The following FMNL3 variants were observed in gnomAD, a reference collection of about 807,000 sequenced individuals.
FMNL3 encodes the protein formin like 3, also known as formin-like protein 3.
A neutral mutation model predicts 119.6 loss-of-function variants in FMNL3; 57 were observed. The observed-to-expected ratio is 0.48, with a 90% confidence interval of 0.39 to 0.59. The LOEUF (loss-of-function observed/expected upper bound fraction) is 0.59. Ranked by LOEUF, FMNL3 falls within the 20% of genes least tolerant of loss-of-function variation. The probability of loss-of-function intolerance (pLI) is 0.00; values close to 1 mark genes in which losing one functional copy is unlikely to be tolerated. For synonymous variants in FMNL3, 491 were observed against 507.3 expected, an observed-to-expected ratio of 0.97 and a Z score of 0.43; for missense variants, 1,053 against 1,323.5, an observed-to-expected ratio of 0.80 and a Z score of 3.17.
In FMNL3 at chr12:49,642,345, T is replaced by A. The variant is rs1414743881; in HGVS notation, c.*3470A>T. 9 of 1,613,946 alleles carry A rather than the reference T, an allele frequency of 5.6e-6. No individual in the cohort carries two copies. The highest frequency in any genetic ancestry group is 1.3e-5 in the African/African-American group (1 of 75,048). ...GCATGCTGAGGCAGGCTGTGCCTGCTCTGGAGCTAGGCACTGCCTGGGAAG... is the reference window on the plus strand; with the variant it reads ...GCATGCTGAGGCAGGCTGTGCCTGCACTGGAGCTAGGCACTGCCTGGGAAG... On this transcript the variant is annotated 3_prime_UTR_variant, in exon 26 of 26. Coordinates refer to ENST00000335154, the MANE Select transcript of FMNL3 (RefSeq NM_175736.5). This position sits in a 1 kb window ranked among gnomAD's most constrained non-coding sequence, Gnocchi z 5.8.
At chr12:49,672,743 G>A (rs927056444) in intron 1 of FMNL3, among the ~76,000 whole-genome samples, 3 of 152,190 alleles carry the variant, frequency 2.0e-5, no homozygotes, top group African/African-American at 4.8e-5. Flanking sequence ...CAGGGGAAGG[G>A]AAATGCCGGT....
intron 10 of FMNL3, 78 bp downstream of exon 10, chr12:49,654,827 ACGCTG>A: frequency 7.9e-7 from 1 of 1,272,220 alleles, no homozygotes; most frequent in Admixed American, 2.0e-5. Flanking sequence ...ATATCAAGAT[ACGCTG>A]TTGGCCTCAC....
intron 7 of FMNL3, 81 bp from the exon 8 acceptor site, chr12:49,656,980 C>G (rs750285427): frequency 4.7e-5 from 72 of 1,532,434 alleles, no homozygotes; most frequent in Non-Finnish European, 6.3e-5. Flanking sequence ...CGTAGGCCCA[C>G]CAGCAAACCT....
At position 49,644,484 on chromosome 12, in the gene FMNL3, A is replaced by G. The variant is rs1180618239; in HGVS notation, c.*1331T>C. On this transcript the variant is annotated 3_prime_UTR_variant, in exon 26 of 26. Transcript: ENST00000335154. ...TAAAAGTGTGAGAGAAGGGGTCTCC[A>G]GGGAAGAGTCACAGGCTGTTGGACG... 2.4e-6 allele frequency: 1 copy of G among 421,958 alleles called. No homozygotes were observed. Among genetic ancestry groups the G allele is most frequent in the Non-Finnish European group, 4.5e-6 (1 of 223,292 alleles). 26.1% of individuals were successfully genotyped at this position (421,958 alleles called of 1,614,324 possible). A position where few individuals can be genotyped will look rare whatever the true frequency, so the allele number is the denominator to read the frequency against.
At chr12:49,668,420 C>A in intron 2 of FMNL3, 51 bp downstream of exon 2, 1 of 1,585,022 alleles carries the variant, frequency 6.3e-7, no homozygotes, top group Non-Finnish European at 8.7e-7. Context: ...ACAGCCTTAG[C>A]CAGCCCAAGA....
chr12:49,685,873 C>T (rs1944443632), intron 1 of FMNL3, among the ~76,000 whole-genome samples: 1 of 152,036 alleles, frequency 6.6e-6, no homozygotes, highest in East Asian at 2.0e-4. Flanking sequence ...TTAAGACCAG[C>T]GTGGCCAACA....
At chr12:49,675,457 A>G (rs1463967352) in intron 1 of FMNL3, among the ~76,000 whole-genome samples, 1 of 152,164 alleles carries the variant, frequency 6.6e-6, no homozygotes, top group African/African-American at 2.4e-5. Context: ...CCCTCTCTTC[A>G]TGAGGTTCTG....
At position 49,645,853 on chromosome 12, in the gene FMNL3, G is replaced by A. The variant is rs1381352547; in HGVS notation, c.3046C>T (p.Pro1016Ser). The change falls in exon 26 of 26, where the codon CCG (proline) becomes TCG (serine). Residue 1016 changes from proline to serine, a missense_variant. Around this residue, in one of 4 missense-constraint regions of FMNL3, gnomAD observed 324 missense variants for 380.9 expected, o/e 0.85. Coordinates refer to ENST00000335154, the MANE Select transcript of FMNL3 (RefSeq NM_175736.5). ...VVRHQARSAA[P>S]PSGPPRAPGP... ...GGAGCCCGAGGGGGACCACTGGGCG[G>A]TGCAGCACTCCTGGCTTGGTGGCGA... 1.2e-6 allele frequency: 2 copies of A among 1,610,324 alleles called. No individual in the cohort carries two copies. The highest frequency in any genetic ancestry group is 1.7e-6 in the Non-Finnish European group (2 of 1,178,632).
chr12:49,646,316 A>G (rs534146645), intron 25 of FMNL3, among the ~76,000 whole-genome samples: 3 of 151,922 alleles, frequency 2.0e-5, no homozygotes, highest in Non-Finnish European at 4.4e-5. Flanking sequence ...TGGACCCTCA[A>G]CCTCAGCCTC....
At position 49,649,970 on chromosome 12, in the gene FMNL3, G is replaced by T; in HGVS notation, c.2001-45C>A. 6.6e-7 allele frequency: 1 copy of T among 1,518,964 alleles called. No homozygotes were observed. 94.1% of individuals were successfully genotyped at this position (1,518,964 alleles called of 1,614,324 possible). A position where few individuals can be genotyped will look rare whatever the true frequency, so the allele number is the denominator to read the frequency against. On this transcript the variant is annotated intron_variant, in intron 17 of 25. Transcript: ENST00000335154. This position sits in a 1 kb window ranked among gnomAD's most constrained non-coding sequence, Gnocchi z 5.6. Reference sequence around the variant, plus strand: ...CACCTCAGTTCTCACATCTCTCCACGTTTTCCCTCATCCCTTTTATTCTCC... The same window carrying T: ...CACCTCAGTTCTCACATCTCTCCACTTTTTCCCTCATCCCTTTTATTCTCC...
chr12:49,683,136 T>A (rs531363372), intron 1 of FMNL3, among the ~76,000 whole-genome samples: 12 of 152,318 alleles, frequency 7.9e-5, no homozygotes, highest in African/African-American at 2.9e-4. Context: ...CTTACATAAG[T>A]CCTAGGAGTT....
At chr12:49,689,604 C>CT (rs1368413082) in intron 1 of FMNL3, among the ~76,000 whole-genome samples, 1 of 152,160 alleles carries the variant, frequency 6.6e-6, no homozygotes, top group Non-Finnish European at 1.5e-5. Context: ...GTAGTCCCAG[C>CT]TACTAAGGAG....
chr12:49,696,632 G>A (rs1221149374), intron 1 of FMNL3, among the ~76,000 whole-genome samples: 1 of 152,220 alleles, frequency 6.6e-6, no homozygotes, highest in Non-Finnish European at 1.5e-5. Flanking sequence ...AGGAGGGCCA[G>A]CTGTACATCC....
chr12:49,654,869 G>T, intron 10 of FMNL3, 41 bp downstream of exon 10: 1 of 1,589,440 alleles, frequency 6.3e-7, no homozygotes, highest in Non-Finnish European at 8.6e-7. Flanking sequence ...CACACACACA[G>T]CCCTGGTGGG....
intron 1 of FMNL3, among the ~76,000 whole-genome samples, chr12:49,668,942 G>A (rs1394958640): frequency 6.6e-6 from 1 of 152,080 alleles, no homozygotes; most frequent in Non-Finnish European, 1.5e-5. Context: ...AAATGTGACG[G>A]GAACATGAGA....
intron 1 of FMNL3, among the ~76,000 whole-genome samples, chr12:49,673,351 A>G (rs575179172): frequency 6.6e-6 from 1 of 152,376 alleles, no homozygotes; most frequent in Middle Eastern, 3.4e-3. Flanking sequence ...GGGAGTCCAG[A>G]AGACTGCTGA....
chr12:49,696,238 A>T (rs1250924955), intron 1 of FMNL3, among the ~76,000 whole-genome samples: 1 of 152,198 alleles, frequency 6.6e-6, no homozygotes, highest in Admixed American at 6.5e-5. Flanking sequence ...ATTAAGTGCT[A>T]TGTAAATACA....
chr12:49,651,846 T>G, intron 14 of FMNL3, 87 bp downstream of exon 14: 1 of 1,453,082 alleles, frequency 6.9e-7, no homozygotes, highest in East Asian at 2.5e-5. Flanking sequence ...TTTTCCCAGC[T>G]TCTCCCTGAG....
Position 49,645,459 on chromosome 12 carries a change from AAAAG to A in FMNL3, c.*352_*355del, listed in dbSNP as rs892470291. The A allele has an allele frequency of 4.8e-5, 10 of 210,268 alleles. No homozygotes were observed. Among genetic ancestry groups the A allele is most frequent in the South Asian group, 1.2e-4 (1 of 8,686 alleles). 13.0% of individuals were successfully genotyped at this position (210,268 alleles called of 1,614,324 possible). A position where few individuals can be genotyped will look rare whatever the true frequency, so the allele number is the denominator to read the frequency against. ...GGGCCTGCAAAAAGGAAGGGAAAAA[AAAAG>A]AAAGAACAGTTGCTCTCTCCTCTCA... On this transcript the variant is annotated 3_prime_UTR_variant, in exon 26 of 26. Coordinates refer to ENST00000335154, the MANE Select transcript of FMNL3 (RefSeq NM_175736.5).
Sources: allele counts gnomAD v4.1 joint callset (sites outside exome capture counted in the v4.1 genomes callset), GRCh38; gene constraint gnomAD v4.1.1; regional missense constraint gnomAD v4.1.1; non-coding constraint Gnocchi (gnomAD v3.1); transcripts MANE v1.5; gene names NCBI Gene and HGNC (gene_info 2026-07-23, HGNC 2026-07-21).